STX1A: variants seen among roughly 807,000 people sequenced by gnomAD.
The protein encoded by STX1A is syntaxin 1A, also known as syntaxin-1A.
Under a neutral mutation model 37.8 loss-of-function variants are expected in STX1A, and 4 were observed. The ratio of observed to expected loss-of-function variants is 0.11; its 90% CI spans 0.05 to 0.24. The LOEUF is 0.24. Ranked by LOEUF, STX1A falls within the 10% of genes least tolerant of loss-of-function variation. STX1A has a pLI of 1.00. For synonymous variants in STX1A, 135 were observed against 147.4 expected, an observed-to-expected ratio of 0.92 and a Z score of 0.61; for missense variants, 251 against 399.9, an observed-to-expected ratio of 0.63 and a Z score of 3.18.
At position 73,702,829 on chromosome 7, in the gene STX1A, G is replaced by C; in HGVS notation, c.678+16C>G. On this transcript the variant is annotated intron_variant, in intron 8 of 9. Transcript: ENST00000222812. The surrounding 1 kb of genome is among the most constrained non-coding windows in gnomAD (Gnocchi z 4.7). ...GGTGTGGGCTGGAGTGGAGGGCAGG[G>C]GGGCCCGGCACTCACCTGGCTCTCC... is the stretch of plus-strand genomic sequence containing the variant. The C allele has an allele frequency of 1.2e-6, 2 of 1,613,758 alleles. No individual in the cohort carries two copies. The highest frequency in any genetic ancestry group is 1.7e-6 in the Non-Finnish European group (2 of 1,179,966).
intron 1 of STX1A, among the ~76,000 whole-genome samples, chr7:73,715,485 C>T (rs1355813943): frequency 6.6e-6 from 1 of 152,114 alleles, no homozygotes; most frequent in Non-Finnish European, 1.5e-5. Flanking sequence ...AGGGAGTGCT[C>T]CTTACCTCCC....
intron 1 of STX1A, among the ~76,000 whole-genome samples, chr7:73,714,195 G>C (rs7776771): frequency 1.3e-5 from 2 of 150,760 alleles, no homozygotes; most frequent in Non-Finnish European, 1.5e-5. Flanking sequence ...CACAACCTCC[G>C]CCTCCCAGGT....
rs1454603060 is a variant in STX1A at position 73,717,374 on chromosome 7, A to G, written c.30+2228T>C. Among the ~76,000 whole-genome samples the G allele has an allele frequency of 6.6e-6, 1 of 152,092 alleles. No individual in the cohort carries two copies. The highest frequency in any genetic ancestry group is 6.5e-5 in the Admixed American group (1 of 15,278). On this transcript the variant is annotated intron_variant, in intron 1 of 9. Transcript: ENST00000222812. The surrounding 1 kb of genome is among the most constrained non-coding windows in gnomAD (Gnocchi z 4.1). ...CTTCCTTTCTGGGGATTCTGGGCTG[A>G]AAATTCTGACTCCTGGGGCTTCAGG...
chr7:73,700,990 A>G lies in STX1A; in HGVS notation c.679-150T>C, dbSNP rs1563566736. 1 of 1,469,180 alleles carries G rather than the reference A, an allele frequency of 6.8e-7. No homozygotes were observed. Among genetic ancestry groups the G allele is most frequent in the Non-Finnish European group, 9.1e-7 (1 of 1,101,370 alleles). The allele number at this position is 1,469,180 out of a possible 1,614,324, so 91.0% of individuals were successfully genotyped here. A position where few individuals can be genotyped will look rare whatever the true frequency, so the allele number is the denominator to read the frequency against. ...GTACAGCTTCTCACCTGGGCCAGGT[A>G]CCCTGGGTGGGGTGTAGAGGGCCAG... On this transcript the variant is annotated intron_variant, in intron 8 of 9. Transcript: ENST00000222812. The surrounding 1 kb of genome is among the most constrained non-coding windows in gnomAD (Gnocchi z 4.4).
rs1371417236 is a variant in STX1A, at chr7:73,719,641, A to G, written c.-10T>C. The G allele has an allele frequency of 4.2e-6, 5 of 1,194,456 alleles. No homozygotes were observed. In the South Asian group the frequency reaches 2.1e-4, roughly 50 times the overall value. 74.0% of individuals were successfully genotyped at this position (1,194,456 alleles called of 1,614,324 possible). ...GGGTTCGGTCCTTCATGCTCCCGGG[A>G]GTGGCAGCGGCGCCGGCTGCAGCCG... On this transcript the variant is annotated 5_prime_UTR_variant, in exon 1 of 10. Coordinates refer to ENST00000222812, the MANE Select transcript of STX1A (RefSeq NM_004603.4).
chr7:73,701,154 G>T lies in STX1A; in HGVS notation c.679-314C>A. 1.2e-5 allele frequency: 7 copies of T among 591,738 alleles called. No individual in the cohort carries two copies. The South Asian group carries it at 1.5e-4, about 13-fold the overall frequency. 36.7% of individuals were successfully genotyped at this position (591,738 alleles called of 1,614,324 possible). ...GATGTGGCAGTGCCAGGCAGAGGAA[G>T]GTGGGAGCAGGAGTGGGTATGCTGG... On this transcript the variant is annotated intron_variant, in intron 8 of 9. Transcript: ENST00000222812.
At chr7:73,703,108 C>G in intron 7 of STX1A, 126 bp from the exon 8 acceptor site, 1 of 807,320 alleles carries the variant, frequency 1.2e-6, no homozygotes, top group Non-Finnish European at 1.9e-6. Context: ...CCTCCCAAGC[C>G]GCAGCCTTCC....
chr7:73,704,947 TG>T, intron 4 of STX1A: 1 of 630,472 alleles, frequency 1.6e-6, no homozygotes, highest in Non-Finnish European at 2.8e-6. Flanking sequence ...AAGCCTTAGG[TG>T]GGTGTGTCCC....
intron 7 of STX1A, 66 bp downstream of exon 7, chr7:73,703,689 T>C: frequency 6.4e-7 from 1 of 1,559,322 alleles, no homozygotes; most frequent in South Asian, 1.2e-5. Flanking sequence ...GACCCAGCAC[T>C]AGGGGTCATG....
rs781840155 is a variant in STX1A at position 73,717,454 on chromosome 7, C to G, written c.30+2148G>C. 6.6e-6 allele frequency among the ~76,000 whole-genome samples: 1 copy of G among 152,162 alleles called. No homozygotes were observed. The highest frequency in any genetic ancestry group is 1.5e-5 in the Non-Finnish European group (1 of 68,020). On this transcript the variant is annotated intron_variant, in intron 1 of 9. Transcript: ENST00000222812. The surrounding 1 kb of genome is among the most constrained non-coding windows in gnomAD (Gnocchi z 4.1). ...AGACCTGTAGCCCTGCTTCTCGTCC[C>G]GAGAAACTGAATTCTAGGCTTTCCC...
At chr7:73,715,124 A>G (rs1554618503) in intron 1 of STX1A, among the ~76,000 whole-genome samples, 1 of 140,014 alleles carries the variant, frequency 7.1e-6, no homozygotes, top group East Asian at 2.1e-4. Context: ...GACTCCGTCT[A>G]AAAAAAAAAA....
Position 73,702,392 on chromosome 7 carries a change from A to C in STX1A, c.678+453T>G. ...CCAGTCTCTGGGACGGGGACCTGGA[A>C]ACTTACAAGTCCTCCAGGTGACTCA... On this transcript the variant is annotated intron_variant, in intron 8 of 9. Transcript: ENST00000222812. The surrounding 1 kb of genome is among the most constrained non-coding windows in gnomAD (Gnocchi z 4.7). 2 of 261,126 alleles carry C rather than the reference A, an allele frequency of 7.7e-6. No individual in the cohort carries two copies. The highest frequency in any genetic ancestry group is 2.2e-5 in the African/African-American group (1 of 45,374). 16.2% of individuals were successfully genotyped at this position (261,126 alleles called of 1,614,324 possible).
In STX1A at chr7:73,705,340, C is replaced by T. The variant is rs1798831417; in HGVS notation, c.209-116G>A. The T allele has an allele frequency of 1.2e-6, 1 of 839,692 alleles. No homozygotes were observed. The highest frequency in any genetic ancestry group is 2.0e-6 in the Non-Finnish European group (1 of 504,210). 52.0% of individuals were successfully genotyped at this position (839,692 alleles called of 1,614,324 possible). On this transcript the variant is annotated intron_variant, in intron 3 of 9. Transcript: ENST00000222812. The surrounding 1 kb of genome is among the most constrained non-coding windows in gnomAD (Gnocchi z 5.2). ...AGGCTCTGGGAAGATCCCTGTTCTCCCCTGTTCCCCTGGCTAAGGCTCTGC... is the reference window on the plus strand; with the variant it reads ...AGGCTCTGGGAAGATCCCTGTTCTCTCCTGTTCCCCTGGCTAAGGCTCTGC...
In STX1A at chr7:73,703,868, G is replaced by C. The variant is rs782600543; in HGVS notation, c.467-40C>G. 3.8e-6 allele frequency: 6 copies of C among 1,595,926 alleles called. No individual in the cohort carries two copies. In the Admixed American group the frequency reaches 8.5e-5, roughly 23 times the overall value. ...GGTCACACTGAGCCCAGCCCTCTTC[G>C]GGGAGTTCAGCAGCAGCATTGGGCC... On this transcript the variant is annotated intron_variant, in intron 6 of 9. Transcript: ENST00000222812.
In STX1A at chr7:73,702,551, C is replaced by CT; in HGVS notation, c.678+293_678+294insA. Reference sequence around the variant, plus strand: ...TATGCCTTCAGTCTCTGGGGAAATGCGTGGCCCACAGTGGCCCCATGAGGA... The same window carrying CT: ...TATGCCTTCAGTCTCTGGGGAAATGCTGTGGCCCACAGTGGCCCCATGAGGA... On this transcript the variant is annotated intron_variant, in intron 8 of 9. Transcript: ENST00000222812. The surrounding 1 kb of genome is among the most constrained non-coding windows in gnomAD (Gnocchi z 4.7). 1 of 775,094 alleles carries CT rather than the reference C, an allele frequency of 1.3e-6. No individual in the cohort carries two copies. The allele number at this position is 775,094 out of a possible 1,614,324, so 48.0% of individuals were successfully genotyped here.
chr7:73,710,737 C>G (rs1799071210), intron 1 of STX1A, among the ~76,000 whole-genome samples: 1 of 152,186 alleles, frequency 6.6e-6, no homozygotes, highest in Non-Finnish European at 1.5e-5. Flanking sequence ...GTTCCCACCT[C>G]ATTTCTGAGT....
chr7:73,702,693 G>T lies in STX1A; in HGVS notation c.678+152C>A. The T allele has an allele frequency of 1.3e-6, 2 of 1,505,468 alleles. No homozygotes were observed. Among genetic ancestry groups the T allele is most frequent in the Non-Finnish European group, 1.8e-6 (2 of 1,122,768 alleles). 93.3% of individuals were successfully genotyped at this position (1,505,468 alleles called of 1,614,324 possible). Reference sequence around the variant, plus strand: ...GGACAGGGACCTTCGGGTCGGCAGGGCCCTGGCGGCAGTTTCAACAGCGGG... The same window carrying T: ...GGACAGGGACCTTCGGGTCGGCAGGTCCCTGGCGGCAGTTTCAACAGCGGG... On this transcript the variant is annotated intron_variant, in intron 8 of 9. Transcript: ENST00000222812. This position sits in a 1 kb window ranked among gnomAD's most constrained non-coding sequence, Gnocchi z 4.7.
intron 7 of STX1A, among the ~76,000 whole-genome samples, chr7:73,703,196 G>T (rs1798730048): frequency 6.6e-6 from 1 of 152,128 alleles, no homozygotes; most frequent in South Asian, 2.1e-4. Context: ...CTGTAACGTG[G>T]GGCTAGTGAC....
In STX1A at chr7:73,704,243, G is replaced by A; in HGVS notation, c.371C>T (p.Ser124Phe). The A allele has an allele frequency of 6.2e-7, 1 of 1,614,074 alleles. No homozygotes were observed. The highest frequency in any genetic ancestry group is 8.5e-7 in the Non-Finnish European group (1 of 1,180,016). The change falls in exon 6 of 10, where the codon TCC (serine) becomes TTC (phenylalanine). Residue 124 changes from serine (S) to phenylalanine (F), a missense_variant. Ser to Phe is a radical substitution (Grantham distance 155). Transcript: ENST00000222812. The stretch of plus-strand genomic sequence containing the variant: ...CGACATGACCTCCACAAACTTTCTG[G>A]ACAGCGTGGAGTGCTGGGGGCCCGA... ...RIRKTQHSTL[S>F]RKFVEVMSEY... is the part of the protein sequence containing the mutation.
Sources: gnomAD v4.1 joint callset for allele counts (sites outside exome capture counted in the v4.1 genomes callset) on GRCh38, gnomAD v4.1.1 for gene constraint, Gnocchi (gnomAD v3.1) non-coding constraint, MANE v1.5 for transcripts, NCBI Gene and HGNC (gene_info 2026-07-23, HGNC 2026-07-21) for gene names.